The following CWC27 variants were observed in gnomAD, a reference collection of about 807,000 sequenced individuals.
CWC27 encodes CWC27 spliceosome associated cyclophilin.
In CWC27, 47 loss-of-function variants were observed where a neutral mutation model predicts 63.6. The ratio of observed to expected loss-of-function variants is 0.74; its 90% confidence interval spans 0.58 to 0.94. The LOEUF (loss-of-function observed/expected upper bound fraction) is 0.94, where lower values mean the gene tolerates loss of function less well. Ranked by LOEUF, CWC27 falls within the 40% of genes least tolerant of loss-of-function variation. CWC27 has a pLI of 0.00. For synonymous variants in CWC27, 175 were observed against 179.8 expected (o/e 0.97, Z 0.22); for missense variants, 495 against 554.3 (o/e 0.89, Z 1.07).
At chr5:64,796,002 CGTGTGTGTGTGTGT>C (rs56699605) in intron 7 of CWC27, among the ~76,000 whole-genome samples, 4,028 of 135,872 alleles carry the variant, frequency 0.03, 196 homozygotes, top group African/African-American at 0.1. Context: ...AGAAATTGTG[CGTGTGTGTGTGTGT>C]GTGTGTGTGT....
At chr5:64,900,657 T>G (rs78654993) in intron 11 of CWC27, among the ~76,000 whole-genome samples, 2 of 148,562 alleles carry the variant, frequency 1.3e-5, no homozygotes, top group African/African-American at 2.5e-5. Flanking sequence ...CTTCTATGTG[T>G]TTTTTTTTTA....
At chr5:64,895,216 G>T (rs551414242) in intron 11 of CWC27, among the ~76,000 whole-genome samples, 1 of 152,036 alleles carries the variant, frequency 6.6e-6, no homozygotes, top group Non-Finnish European at 1.5e-5. Flanking sequence ...CCTATACAAT[G>T]TAACAGTCTC....
intron 10 of CWC27, among the ~76,000 whole-genome samples, chr5:64,849,093 G>C (rs528015652): frequency 6.0e-4 from 92 of 152,244 alleles, no homozygotes; most frequent in Non-Finnish European, 8.8e-4. Flanking sequence ...AAACTCTACA[G>C]ACTCCACCAA....
chr5:64,942,793 A>G (rs1018395546), intron 11 of CWC27, among the ~76,000 whole-genome samples: 5 of 152,248 alleles, frequency 3.3e-5, no homozygotes, highest in Non-Finnish European at 7.3e-5. Flanking sequence ...AGCAGCATAA[A>G]TATGGCTTTA....
intron 11 of CWC27, among the ~76,000 whole-genome samples, chr5:64,944,144 T>A (rs1341089813): frequency 6.6e-6 from 1 of 151,994 alleles, no homozygotes; most frequent in Non-Finnish European, 1.5e-5. Context: ...ATTTTCATGC[T>A]CTTTCATCAT....
chr5:64,810,736 C>T (rs1744852550), intron 10 of CWC27, among the ~76,000 whole-genome samples: 1 of 151,984 alleles, frequency 6.6e-6, no homozygotes, highest in South Asian at 2.1e-4. Flanking sequence ...AATATGCATT[C>T]AGTGTTAAGA....
At chr5:64,985,571 T>G (rs915906143) in intron 13 of CWC27, among the ~76,000 whole-genome samples, 2 of 152,228 alleles carry the variant, frequency 1.3e-5, no homozygotes, top group Admixed American at 6.5e-5. Context: ...TTGTTTGTCA[T>G]TGTTATACAG....
intron 10 of CWC27, among the ~76,000 whole-genome samples, chr5:64,873,829 C>G (rs1281792871): frequency 6.6e-6 from 1 of 151,970 alleles, no homozygotes; most frequent in Non-Finnish European, 1.5e-5. Context: ...ATGTTTAAGT[C>G]TTTAATCCAT....
intron 13 of CWC27, among the ~76,000 whole-genome samples, chr5:65,005,993 T>G (rs1213200): frequency 0.74 from 112,771 of 152,022 alleles, 42,600 homozygotes; most frequent in African/African-American, 0.88. Context: ...TGATATTTAG[T>G]GTTAGTAATG....
intron 11 of CWC27, among the ~76,000 whole-genome samples, chr5:64,941,225 T>G (rs907411646): frequency 2.0e-5 from 3 of 152,222 alleles, no homozygotes; most frequent in Non-Finnish European, 4.4e-5. Context: ...CTCTGGTTTC[T>G]TTAAGAGGAA....
chr5:64,968,995 C>T (rs548562444), intron 11 of CWC27, among the ~76,000 whole-genome samples: 78 of 152,210 alleles, frequency 5.1e-4, no homozygotes, highest in Non-Finnish European at 8.8e-4. Flanking sequence ...CTTAAATGTA[C>T]CTATCCTTGA....
chr5:64,941,280 C>T (rs1028339736), intron 11 of CWC27, among the ~76,000 whole-genome samples: 39 of 152,208 alleles, frequency 2.6e-4, no homozygotes, highest in African/African-American at 8.7e-4. Flanking sequence ...ATTGCTCAAT[C>T]CTATTGCTTC....
chr5:64,773,412 A>G (rs1743332646), intron 1 of CWC27, among the ~76,000 whole-genome samples: 1 of 152,214 alleles, frequency 6.6e-6, no homozygotes, highest in South Asian at 2.1e-4. Flanking sequence ...AGGCAAATCT[A>G]CACAGACAGA....
intron 10 of CWC27, among the ~76,000 whole-genome samples, chr5:64,841,581 A>G (rs1745842899): frequency 6.6e-6 from 1 of 152,110 alleles, no homozygotes; most frequent in South Asian, 2.1e-4. Flanking sequence ...CAGTCACCAA[A>G]ACCTATCAGA....
At chr5:64,838,357 TA>T (rs1179611251) in intron 10 of CWC27, among the ~76,000 whole-genome samples, 2 of 152,192 alleles carry the variant, frequency 1.3e-5, no homozygotes, top group Non-Finnish European at 1.5e-5. Context: ...TCAATAGAGA[TA>T]AACAGCTGCT....
intron 13 of CWC27, among the ~76,000 whole-genome samples, chr5:64,998,746 T>C (rs1749682061): frequency 6.6e-6 from 1 of 152,114 alleles, no homozygotes; most frequent in South Asian, 2.1e-4. Context: ...AAAGTCAGTT[T>C]CCATTTTCCT....
At chr5:64,999,688 A>G (rs1749697524) in intron 13 of CWC27, among the ~76,000 whole-genome samples, 1 of 152,092 alleles carries the variant, frequency 6.6e-6, no homozygotes, top group African/African-American at 2.4e-5. Flanking sequence ...TTATGGCCAA[A>G]TGGTATTCCA....
intron 7 of CWC27, among the ~76,000 whole-genome samples, chr5:64,797,565 A>G (rs1490646974): frequency 6.6e-6 from 1 of 152,216 alleles, no homozygotes; most frequent in Admixed American, 6.6e-5. Context: ...CTTATTTTAA[A>G]TTAGTGTAAA....
At chr5:64,896,208 A>G (rs1747370763) in intron 11 of CWC27, among the ~76,000 whole-genome samples, 1 of 152,188 alleles carries the variant, frequency 6.6e-6, no homozygotes, top group Non-Finnish European at 1.5e-5. Context: ...GCAGAATCTT[A>G]TTTTCAATGG....
Sources: allele counts gnomAD v4.1 joint callset (sites outside exome capture counted in the v4.1 genomes callset), GRCh38; gene constraint gnomAD v4.1.1; transcripts MANE v1.5; gene names NCBI Gene and HGNC (gene_info 2026-07-23, HGNC 2026-07-21).